Variants in CAMKMT observed in about 807,000 individuals in gnomAD.
CAMKMT encodes calmodulin-lysine N-methyltransferase, also known as CaM KMT.
CAMKMT carries 53 observed loss-of-function variants against 48.0 expected under a neutral mutation model. That is an observed-to-expected ratio of 1.10 (90% confidence interval 0.89 to 1.39). The LOEUF (loss-of-function observed/expected upper bound fraction) is 1.39. CAMKMT is among the 40% of genes most tolerant of loss of function. CAMKMT has a pLI of 0.00. For missense variants in CAMKMT, 428 were observed against 402.7 expected (o/e 1.06, Z -0.54); for synonymous variants, 165 against 152.3 (o/e 1.08, Z -0.61).
At chr2:44,501,984 T>G (rs959342146) in intron 3 of CAMKMT, among the ~76,000 whole-genome samples, 5 of 152,084 alleles carry the variant, frequency 3.3e-5, no homozygotes, top group Admixed American at 1.3e-4. Flanking sequence ...AGGCAAAAAT[T>G]ATCAAATAGG....
At chr2:44,470,047 T>C (rs1330189672) in intron 3 of CAMKMT, among the ~76,000 whole-genome samples, 1 of 152,162 alleles carries the variant, frequency 6.6e-6, no homozygotes, top group African/African-American at 2.4e-5. Flanking sequence ...TCCATAGATA[T>C]AATTTTTCCC....
At chr2:44,553,804 T>C (rs529029659) in intron 3 of CAMKMT, among the ~76,000 whole-genome samples, 12 of 152,364 alleles carry the variant, frequency 7.9e-5, no homozygotes, top group African/African-American at 2.9e-4. Flanking sequence ...TATTTCTAAC[T>C]ATAATTTTAC....
At chr2:44,625,673 A>G (rs753620673) in intron 3 of CAMKMT, among the ~76,000 whole-genome samples, 7 of 152,044 alleles carry the variant, frequency 4.6e-5, no homozygotes, top group Non-Finnish European at 7.4e-5. Flanking sequence ...GATATATTTG[A>G]ATATTATTTT....
At chr2:44,558,728 C>T (rs1334541030) in intron 3 of CAMKMT, among the ~76,000 whole-genome samples, 3 of 152,062 alleles carry the variant, frequency 2.0e-5, no homozygotes, top group African/African-American at 7.2e-5. Context: ...GGGAGCTAAA[C>T]GTTGAGTACA....
intron 3 of CAMKMT, among the ~76,000 whole-genome samples, chr2:44,478,394 A>C (rs191562341): frequency 7.7e-4 from 117 of 152,250 alleles, no homozygotes; most frequent in African/African-American, 2.7e-3. Context: ...CTACAGCAAT[A>C]TGGTGGATAA....
At position 44,708,211 on chromosome 2, in the gene CAMKMT, A is replaced by ATTTTTTTTTTTTTTTTT. The variant is rs59281575; in HGVS notation, c.556+758_556+774dup. ...AAAGTGGCAGATATGTTTGCTTTGGATTTTTTTTTTTTTTTTTTTTTTTTT... is the reference window on the plus strand; with the variant it reads ...AAAGTGGCAGATATGTTTGCTTTGGATTTTTTTTTTTTTTTTTTTTTTTTTTTTTTTTTTTTTTTTTT... On this transcript the variant is annotated intron_variant, in intron 6 of 10. Transcript: ENST00000378494. 7.3e-5 allele frequency among the ~76,000 whole-genome samples: 5 copies of ATTTTTTTTTTTTTTTTT among 68,192 alleles called. 1 individual carries two copies. Among genetic ancestry groups the ATTTTTTTTTTTTTTTTT allele is most frequent in the Non-Finnish European group, 7.6e-5 (3 of 39,406 alleles). 44.7% of individuals were successfully genotyped at this position (68,192 alleles called of 152,430 possible).
intron 3 of CAMKMT, among the ~76,000 whole-genome samples, chr2:44,418,246 T>C (rs976004678): frequency 1.3e-5 from 2 of 151,018 alleles, no homozygotes; most frequent in African/African-American, 4.9e-5. Context: ...TGAAGACAAG[T>C]CTTTTGTCAG....
chr2:44,659,504 A>T (rs1674563539), intron 3 of CAMKMT, among the ~76,000 whole-genome samples: 1 of 150,378 alleles, frequency 6.6e-6, no homozygotes, highest in South Asian at 2.1e-4. Flanking sequence ...CTGAGGTGGG[A>T]GGATCCTCTG....
chr2:44,496,147 T>A (rs1669742647), intron 3 of CAMKMT, among the ~76,000 whole-genome samples: 1 of 152,236 alleles, frequency 6.6e-6, no homozygotes. Flanking sequence ...AATTTTACAC[T>A]GTCCTTTATA....
At chr2:44,496,475 A>G (rs1378739857) in intron 3 of CAMKMT, among the ~76,000 whole-genome samples, 1 of 152,230 alleles carries the variant, frequency 6.6e-6, no homozygotes, top group African/African-American at 2.4e-5. Flanking sequence ...ATAGAGTAAC[A>G]AAAGCATTTT....
chr2:44,449,322 C>A (rs1295476728), intron 3 of CAMKMT, among the ~76,000 whole-genome samples: 4 of 152,032 alleles, frequency 2.6e-5, no homozygotes, highest in African/African-American at 9.7e-5. Context: ...GAAAATAAAC[C>A]CATGCATGTT....
At chr2:44,435,153 T>G (rs1666147597) in intron 3 of CAMKMT, among the ~76,000 whole-genome samples, 1 of 152,242 alleles carries the variant, frequency 6.6e-6, no homozygotes, top group Admixed American at 6.5e-5. Context: ...TGGACAATTT[T>G]GTAACCTCGA....
intron 3 of CAMKMT, among the ~76,000 whole-genome samples, chr2:44,573,972 C>T (rs1478101496): frequency 6.6e-6 from 1 of 152,044 alleles, no homozygotes; most frequent in East Asian, 1.9e-4. Context: ...TAGGGCAGGT[C>T]CCTTCTGATT....
rs906710642 is a variant in CAMKMT, at chr2:44,772,325, C to T, written c.*212C>T. ...CTCTTTTTACACTCTGCTTGTTGCT[C>T]GTCCTGCCCTAAACCTTTGTTTGTC... On this transcript the variant is annotated 3_prime_UTR_variant, in exon 11 of 11. Coordinates refer to ENST00000378494, the MANE Select transcript of CAMKMT (RefSeq NM_024766.5). The T allele has an allele frequency of 7.8e-5, 38 of 488,154 alleles. No individual in the cohort carries two copies. Among genetic ancestry groups the T allele is most frequent in the South Asian group, 2.8e-4 (8 of 28,906 alleles). The allele number at this position is 488,154 out of a possible 1,614,324, so 30.2% of individuals were successfully genotyped here. A position where few individuals can be genotyped will look rare whatever the true frequency, so the allele number is the denominator to read the frequency against.
intron 2 of CAMKMT, among the ~76,000 whole-genome samples, chr2:44,381,424 A>G (rs552222381): frequency 1.2e-3 from 184 of 152,206 alleles, no homozygotes; most frequent in Non-Finnish European, 2.1e-3. Flanking sequence ...TGCAAGAAGA[A>G]GAGAATATTC....
At chr2:44,770,973 G>A (rs1017738448) in intron 10 of CAMKMT, among the ~76,000 whole-genome samples, 1 of 152,222 alleles carries the variant, frequency 6.6e-6, no homozygotes, top group African/African-American at 2.4e-5. Flanking sequence ...ATGTTCCCCA[G>A]CGGAAAAGGG....
At position 44,674,702 on chromosome 2, in the gene CAMKMT, T is replaced by C. The variant is rs1175371296; in HGVS notation, c.377-29581T>C. On this transcript the variant is annotated intron_variant, in intron 3 of 10. Transcript: ENST00000378494. The stretch of plus-strand genomic sequence containing the variant: ...AGGCCACATACAAAGTTATATTACA[T>C]TGAGTTTGAAATGCTAACAAAGCAA... Among the ~76,000 whole-genome samples the C allele has an allele frequency of 3.3e-5, 5 of 152,192 alleles. No homozygotes were observed. In the East Asian group the frequency reaches 7.7e-4, roughly 23 times the overall value.
intron 3 of CAMKMT, among the ~76,000 whole-genome samples, chr2:44,526,086 G>T (rs1295837787): frequency 2.6e-5 from 4 of 151,780 alleles, no homozygotes; most frequent in African/African-American, 9.7e-5. Flanking sequence ...CATGTCCTTT[G>T]TAGGGACATG....
chr2:44,445,675 T>G (rs1402999449), intron 3 of CAMKMT, among the ~76,000 whole-genome samples: 8 of 42,674 alleles, frequency 1.9e-4, no homozygotes, highest in African/African-American at 3.4e-4. Flanking sequence ...TTTTTTTTTT[T>G]TTTTTTTTTT....
Sources: gnomAD v4.1 joint callset for allele counts (sites outside exome capture counted in the v4.1 genomes callset) on GRCh38, gnomAD v4.1.1 for gene constraint, MANE v1.5 for transcripts, NCBI Gene and HGNC (gene_info 2026-07-23, HGNC 2026-07-21) for gene names.